The following GTF2IRD1 variants were observed in gnomAD, a reference collection of about 807,000 sequenced individuals.
GTF2IRD1 encodes the protein GTF2I repeat domain containing 1.
Under a neutral mutation model 113.2 loss-of-function variants are expected in GTF2IRD1, and 26 were observed. The ratio of observed to expected loss-of-function variants is 0.23; its 90% confidence interval spans 0.17 to 0.32. The LOEUF (loss-of-function observed/expected upper bound fraction) is 0.32, where lower values mean the gene tolerates loss of function less well. Among genes scored for constraint, GTF2IRD1 ranks in the 10% least tolerant of loss-of-function variants. The pLI is 1.00. For synonymous variants in GTF2IRD1, 484 were observed against 529.1 expected (o/e 0.91, Z 1.17); for missense variants, 864 against 1,280.8 (o/e 0.67, Z 4.97).
intron 1 of GTF2IRD1, among the ~76,000 whole-genome samples, chr7:74,461,364 G>A (rs1554329205): frequency 6.6e-6 from 1 of 152,158 alleles, no homozygotes; most frequent in East Asian, 1.9e-4. Flanking sequence ...GCCGAGGGTA[G>A]GCCTCTTTGC....
chr7:74,480,484 C>T (rs1490491689), intron 1 of GTF2IRD1, among the ~76,000 whole-genome samples: 1 of 152,332 alleles, frequency 6.6e-6, no homozygotes, highest in Non-Finnish European at 1.5e-5. Flanking sequence ...CTGGAGAGTC[C>T]CCGCCGGCTG....
intron 1 of GTF2IRD1, among the ~76,000 whole-genome samples, chr7:74,473,773 T>C (rs1014436098): frequency 1.3e-5 from 2 of 152,026 alleles, no homozygotes; most frequent in Non-Finnish European, 2.9e-5. Context: ...CCCGCAACCT[T>C]GGTAGCACAG....
At chr7:74,479,860 C>T (rs551269545) in intron 1 of GTF2IRD1, among the ~76,000 whole-genome samples, 11 of 144,308 alleles carry the variant, frequency 7.6e-5, no homozygotes, top group African/African-American at 2.6e-4. Flanking sequence ...TCAAACAATT[C>T]TCCTGTCTCA....
chr7:74,519,337 G>A (rs1797127406), intron 5 of GTF2IRD1, 72 bp from the exon 6 acceptor site: 4 of 1,129,058 alleles, frequency 3.5e-6, no homozygotes, highest in East Asian at 5.3e-5. Context: ...GGGATGCGGG[G>A]TTTTCGGGGG....
intron 14 of GTF2IRD1, among the ~76,000 whole-genome samples, chr7:74,541,042 G>A (rs1384628693): frequency 1.1e-4 from 16 of 151,810 alleles, no homozygotes; most frequent in Admixed American, 7.9e-4. Flanking sequence ...GGGATTACAG[G>A]CGTGAGCCAC....
At chr7:74,583,361 C>CT (rs1421210616) in intron 22 of GTF2IRD1, among the ~76,000 whole-genome samples, 24 of 136,910 alleles carry the variant, frequency 1.8e-4, no homozygotes, top group Non-Finnish European at 2.7e-4. Context: ...GCTAATTTTT[C>CT]TTTTTTTTTC....
chr7:74,532,728 G>T (rs1798041200), intron 9 of GTF2IRD1, among the ~76,000 whole-genome samples: 1 of 152,128 alleles, frequency 6.6e-6, no homozygotes, highest in African/African-American at 2.4e-5. Flanking sequence ...GGGGAGTGGG[G>T]CCTCCAGCGT....
At chr7:74,572,651 C>T in intron 22 of GTF2IRD1, 7 of 536,828 alleles carry the variant, frequency 1.3e-5, no homozygotes, top group Non-Finnish European at 1.7e-5. Context: ...CACCCTCTGG[C>T]CCCTGCCTCC....
chr7:74,557,755 G>A (rs781810846), intron 20 of GTF2IRD1, 33 bp downstream of exon 20: 44 of 1,355,554 alleles, frequency 3.2e-5, no homozygotes, highest in Middle Eastern at 1.8e-4. Context: ...GGAGGGACAC[G>A]CAGCTGCTGT....
intron 16 of GTF2IRD1, 31 bp downstream of exon 16, chr7:74,545,840 C>CCGGGATGCCCCCAG: frequency 6.5e-7 from 1 of 1,532,066 alleles, no homozygotes; most frequent in African/African-American, 1.4e-5. Context: ...GGTCTGGGGG[C>CCGGGATGCCCCCAG]ATCCCGGCCC....
At chr7:74,513,793 C>G (rs2130139652) in intron 3 of GTF2IRD1, among the ~76,000 whole-genome samples, 1 of 152,258 alleles carries the variant, frequency 6.6e-6, no homozygotes, top group East Asian at 1.9e-4. Context: ...GGGAGGATCA[C>G]TTGAGCCCAG....
chr7:74,484,838 G>GCTATTGT (rs1554335320), intron 1 of GTF2IRD1, among the ~76,000 whole-genome samples: 2 of 152,114 alleles, frequency 1.3e-5, no homozygotes, highest in Admixed American at 6.6e-5. Flanking sequence ...TCGGACGCTG[G>GCTATTGT]GACGGTTTCT....
At chr7:74,569,492 C>T (rs1230296874) in intron 22 of GTF2IRD1, among the ~76,000 whole-genome samples, 1 of 152,132 alleles carries the variant, frequency 6.6e-6, no homozygotes, top group East Asian at 1.9e-4. Flanking sequence ...GGAGAATAGC[C>T]CCCAAAAATG....
chr7:74,586,349 C>T (rs782342305), intron 22 of GTF2IRD1, among the ~76,000 whole-genome samples: 2 of 152,022 alleles, frequency 1.3e-5, no homozygotes, highest in South Asian at 2.1e-4. Context: ...CAGGAGAAGA[C>T]GAGGGTTCTA....
intron 1 of GTF2IRD1, among the ~76,000 whole-genome samples, chr7:74,480,432 C>G (rs1375026100): frequency 1.3e-5 from 2 of 152,230 alleles, no homozygotes; most frequent in African/African-American, 4.8e-5. Context: ...GAGCCTTGTC[C>G]GATCCCCCAG....
intron 6 of GTF2IRD1, among the ~76,000 whole-genome samples, chr7:74,520,119 A>G (rs1028720050): frequency 6.3e-5 from 9 of 142,894 alleles, no homozygotes; most frequent in Non-Finnish European, 1.4e-4. Flanking sequence ...AAAAAAAAAA[A>G]GCACCAGCGA....
At chr7:74,570,200 A>C (rs1272675446) in intron 22 of GTF2IRD1, among the ~76,000 whole-genome samples, 1 of 151,938 alleles carries the variant, frequency 6.6e-6, no homozygotes, top group Admixed American at 6.6e-5. Flanking sequence ...TGTCTCCACC[A>C]AAAAATACAA....
intron 1 of GTF2IRD1, among the ~76,000 whole-genome samples, chr7:74,502,644 G>A (rs964287946): frequency 6.6e-6 from 1 of 152,252 alleles, no homozygotes; most frequent in African/African-American, 2.4e-5. Context: ...TGATTCAGAC[G>A]TGGCCACGAG....
chr7:74,507,702 T>G, intron 1 of GTF2IRD1: 5 of 184,900 alleles, frequency 2.7e-5, no homozygotes, highest in South Asian at 1.1e-4. Flanking sequence ...GGCTGAGGAG[T>G]TGAGAGCTAA....
Sources: allele counts gnomAD v4.1 joint callset (sites outside exome capture counted in the v4.1 genomes callset), GRCh38; gene constraint gnomAD v4.1.1; transcripts MANE v1.5; gene names NCBI Gene and HGNC (gene_info 2026-07-23, HGNC 2026-07-21).